The following GPC5 variants were observed in gnomAD, a reference collection of about 807,000 sequenced individuals.
GPC5 encodes glypican 5, also known as glypican-5.
In GPC5, 47 loss-of-function variants were observed where a neutral mutation model predicts 53.9. The observed-to-expected ratio is 0.87, with a 90% confidence interval of 0.69 to 1.11. The LOEUF (loss-of-function observed/expected upper bound fraction) is 1.11, where lower values mean the gene tolerates loss of function less well. Among genes scored for constraint, GPC5 ranks in the 50% most tolerant of loss-of-function variants. The pLI is 0.00. For synonymous variants in GPC5, 286 were observed against 263.3 expected, an observed-to-expected ratio of 1.09 and a Z score of -0.84; for missense variants, 748 against 713.1, an observed-to-expected ratio of 1.05 and a Z score of -0.56.
At chr13:91,549,289 A>G (rs916653791) in intron 2 of GPC5, among the ~76,000 whole-genome samples, 3 of 150,566 alleles carry the variant, frequency 2.0e-5, no homozygotes, top group African/African-American at 4.9e-5. Flanking sequence ...GGCAAAAACT[A>G]TGAAACTCAT....
At chr13:91,494,172 G>A (rs1884106033) in intron 2 of GPC5, among the ~76,000 whole-genome samples, 1 of 151,880 alleles carries the variant, frequency 6.6e-6, no homozygotes, top group South Asian at 2.1e-4. Flanking sequence ...TTACAGGCAT[G>A]AGCCACCGCG....
At chr13:92,467,505 T>C (rs1425311269) in intron 7 of GPC5, among the ~76,000 whole-genome samples, 1 of 152,144 alleles carries the variant, frequency 6.6e-6, no homozygotes, top group Non-Finnish European at 1.5e-5. Context: ...ATTTATTATG[T>C]ATTAGTCACT....
chr13:92,713,315 G>A (rs1486263841), intron 7 of GPC5, among the ~76,000 whole-genome samples: 3 of 151,984 alleles, frequency 2.0e-5, no homozygotes, highest in Admixed American at 1.3e-4. Context: ...CAATCTGGCC[G>A]GGTGTGGTGG....
chr13:91,715,796 C>G (rs2036324933), intron 3 of GPC5, among the ~76,000 whole-genome samples: 1 of 149,512 alleles, frequency 6.7e-6, no homozygotes, highest in Non-Finnish European at 1.5e-5. Context: ...CTCTCTCTCT[C>G]TCTCTGTGTG....
intron 7 of GPC5, among the ~76,000 whole-genome samples, chr13:92,863,237 G>A (rs1879236577): frequency 6.6e-6 from 1 of 152,126 alleles, no homozygotes; most frequent in Non-Finnish European, 1.5e-5. Context: ...CACAGACTGG[G>A]TCTAGACTTC....
chr13:91,773,032 A>C (rs2037652877), intron 5 of GPC5, among the ~76,000 whole-genome samples: 2 of 152,144 alleles, frequency 1.3e-5, no homozygotes, highest in African/African-American at 4.8e-5. Context: ...AAATGATGTG[A>C]GATTCTTGTT....
Position 91,728,616 on chromosome 13 carries a change from ATGAAGACCACCACAAGGAACAG to A in GPC5, c.1112_1133del (p.Thr371ArgfsTer24). The A allele has an allele frequency of 6.2e-7, 1 of 1,613,548 alleles. No homozygotes were observed. ...TGATCAGAGCAAAGAGAAGCATGGA[ATGAAGACCACCACAAGGAACAG>A]TGAAGAGACGCTTGCCAACAGAAGA... On this transcript the variant is annotated frameshift_variant, in exon 4 of 8. Transcript: ENST00000377067. LOFTEE classifies it high-confidence loss of function.
chr13:92,369,546 C>T (rs16947482), intron 7 of GPC5, among the ~76,000 whole-genome samples: 1,941 of 152,230 alleles, frequency 0.013, 23 homozygotes, highest in Non-Finnish European at 0.023. Context: ...GAACAGTATG[C>T]ACTCAATAAG....
chr13:91,715,539 G>T (rs574794409), intron 3 of GPC5, among the ~76,000 whole-genome samples: 4 of 152,198 alleles, frequency 2.6e-5, no homozygotes, highest in African/African-American at 9.6e-5. Context: ...TGAGGATAAG[G>T]TTATAGAAGG....
intron 6 of GPC5, among the ~76,000 whole-genome samples, chr13:91,912,331 A>G (rs1295845605): frequency 6.6e-6 from 1 of 152,060 alleles, no homozygotes; most frequent in African/African-American, 2.4e-5. Flanking sequence ...GCTCCAGGAG[A>G]CAGAGTGAGA....
At chr13:92,246,536 T>C (rs2139122899) in intron 7 of GPC5, among the ~76,000 whole-genome samples, 1 of 152,216 alleles carries the variant, frequency 6.6e-6, no homozygotes, top group South Asian at 2.1e-4. Context: ...TGTCAGTAGA[T>C]ATTATTGCCA....
intron 7 of GPC5, among the ~76,000 whole-genome samples, chr13:92,829,995 G>A (rs977504462): frequency 6.6e-5 from 10 of 152,146 alleles, no homozygotes; most frequent in Non-Finnish European, 1.3e-4. Flanking sequence ...TAAAGAAAAC[G>A]AGTCATGCTG....
intron 1 of GPC5, among the ~76,000 whole-genome samples, chr13:91,430,056 T>A (rs1879335604): frequency 6.6e-6 from 1 of 152,166 alleles, no homozygotes; most frequent in African/African-American, 2.4e-5. Flanking sequence ...GAGACCATAA[T>A]ATACAGTGGC....
intron 5 of GPC5, among the ~76,000 whole-genome samples, chr13:91,772,672 C>A (rs1306630938): frequency 6.6e-6 from 1 of 151,988 alleles, no homozygotes. Flanking sequence ...AAATGCAATG[C>A]GACACTCCCG....
intron 7 of GPC5, among the ~76,000 whole-genome samples, chr13:92,197,217 AAAT>A (rs980512911): frequency 3.9e-5 from 6 of 152,178 alleles, no homozygotes; most frequent in African/African-American, 1.4e-4. Flanking sequence ...TGTGAAAAAA[AAAT>A]AATAAGATAA....
At chr13:92,498,295 G>C (rs1880051788) in intron 7 of GPC5, among the ~76,000 whole-genome samples, 1 of 152,026 alleles carries the variant, frequency 6.6e-6, no homozygotes, top group Non-Finnish European at 1.5e-5. Context: ...TGCACAATGG[G>C]CTTTTAGCAC....
chr13:92,282,768 A>T (rs986668718), intron 7 of GPC5, among the ~76,000 whole-genome samples: 2 of 152,156 alleles, frequency 1.3e-5, no homozygotes, highest in Admixed American at 6.6e-5. Context: ...GGAACAAAAG[A>T]TACCGGCCAC....
chr13:92,696,593 A>G (rs1172990348), intron 7 of GPC5, among the ~76,000 whole-genome samples: 2 of 152,162 alleles, frequency 1.3e-5, no homozygotes, highest in African/African-American at 2.4e-5. Context: ...GATCCTGGAT[A>G]TTAGCCCTTT....
chr13:91,499,765 G>C (rs1001659783), intron 2 of GPC5, among the ~76,000 whole-genome samples: 3 of 152,146 alleles, frequency 2.0e-5, no homozygotes, highest in Non-Finnish European at 4.4e-5. Context: ...GTCTCAAACA[G>C]CCTCATCTCA....
Sources: allele counts gnomAD v4.1 joint callset (sites outside exome capture counted in the v4.1 genomes callset), GRCh38; gene constraint gnomAD v4.1.1; transcripts MANE v1.5; gene names NCBI Gene and HGNC (gene_info 2026-07-23, HGNC 2026-07-21).